Variants in PPM1H observed in about 807,000 individuals in gnomAD.
PPM1H encodes the protein protein phosphatase, Mg2+/Mn2+ dependent 1H.
PPM1H carries 27 observed loss-of-function variants against 54.9 expected under a neutral mutation model. The observed-to-expected ratio is 0.49, with a 90% CI of 0.36 to 0.68. The LOEUF is 0.68. Ranked by LOEUF, PPM1H falls within the 30% of genes least tolerant of loss-of-function variation. PPM1H has a pLI of 0.00. For synonymous variants in PPM1H, 305 were observed against 270.8 expected (o/e 1.13, Z -1.24); for missense variants, 596 against 667.8 (o/e 0.89, Z 1.19).
intron 1 of PPM1H, among the ~76,000 whole-genome samples, chr12:62,861,009 T>A (rs184389841): frequency 6.6e-6 from 1 of 152,198 alleles, no homozygotes; most frequent in Non-Finnish European, 1.5e-5. Flanking sequence ...ACCTCCCTTC[T>A]TCTAGATAAG....
chr12:62,771,594 T>C (rs2076580457), intron 4 of PPM1H, among the ~76,000 whole-genome samples: 2 of 152,320 alleles, frequency 1.3e-5, no homozygotes, highest in East Asian at 1.9e-4. Flanking sequence ...TATTTCACCT[T>C]GCATCATGTA....
chr12:62,819,130 C>CTTTT (rs34661742), intron 2 of PPM1H, among the ~76,000 whole-genome samples: 4 of 113,838 alleles, frequency 3.5e-5, no homozygotes, highest in Non-Finnish European at 5.4e-5. Context: ...CAAAACATTG[C>CTTTT]TTTTTTTTTT....
chr12:62,725,784 T>G (rs1028820694), intron 5 of PPM1H, among the ~76,000 whole-genome samples: 1 of 152,176 alleles, frequency 6.6e-6, no homozygotes, highest in African/African-American at 2.4e-5. Flanking sequence ...TGACATGTCA[T>G]GCCTGTCCCC....
At chr12:62,725,338 C>T (rs1322961164) in intron 5 of PPM1H, among the ~76,000 whole-genome samples, 1 of 152,206 alleles carries the variant, frequency 6.6e-6, no homozygotes, top group Non-Finnish European at 1.5e-5. Context: ...GAAAGTCTCT[C>T]AACTTCCCCT....
At chr12:62,845,577 CT>C (rs1490619574) in intron 1 of PPM1H, among the ~76,000 whole-genome samples, 1 of 152,148 alleles carries the variant, frequency 6.6e-6, no homozygotes, top group Non-Finnish European at 1.5e-5. Flanking sequence ...CCAACTAGAC[CT>C]TTAATACGGG....
chr12:62,905,909 C>T (rs1871289616), intron 1 of PPM1H, among the ~76,000 whole-genome samples: 1 of 152,108 alleles, frequency 6.6e-6, no homozygotes, highest in African/African-American at 2.4e-5. Flanking sequence ...GAGGACAGGA[C>T]AATGGACTAT....
rs550903169 is a variant in PPM1H at position 62,795,711 on chromosome 12, C to T, written c.756+6105G>A. On this transcript the variant is annotated intron_variant, in intron 3 of 9. Transcript: ENST00000228705. ...CCTCCCAAAGTGCTGGGATTACAGG[C>T]GTGAGCCACCACGCCCAGCCTTGTT... Among the ~76,000 whole-genome samples, 10 of 151,478 alleles carry T rather than the reference C, an allele frequency of 6.6e-5. No individual in the cohort carries two copies. In the East Asian group the frequency reaches 1.8e-3, roughly 27 times the overall value.
intron 1 of PPM1H, among the ~76,000 whole-genome samples, chr12:62,905,112 C>T (rs1436359559): frequency 1.3e-5 from 2 of 152,180 alleles, no homozygotes; most frequent in South Asian, 4.1e-4. Flanking sequence ...ACAAAGATAA[C>T]AGTACCCATC....
intron 4 of PPM1H, among the ~76,000 whole-genome samples, chr12:62,779,329 G>C (rs2076628794): frequency 6.6e-6 from 1 of 152,192 alleles, no homozygotes; most frequent in Non-Finnish European, 1.5e-5. Context: ...TTACAGGCGT[G>C]AGCCACTGCA....
At chr12:62,718,444 A>G (rs897108367) in intron 6 of PPM1H, among the ~76,000 whole-genome samples, 41 of 152,136 alleles carry the variant, frequency 2.7e-4, no homozygotes, top group African/African-American at 9.9e-4. Context: ...CTCCAAAAAC[A>G]TCACTTTCAT....
At chr12:62,649,518 A>C (rs943046813) in intron 9 of PPM1H, among the ~76,000 whole-genome samples, 12 of 152,228 alleles carry the variant, frequency 7.9e-5, no homozygotes, top group Non-Finnish European at 1.5e-4. Context: ...TGTCTATCCA[A>C]ACACTGACCA....
intron 2 of PPM1H, among the ~76,000 whole-genome samples, chr12:62,828,961 G>C (rs565209082): frequency 3.1e-4 from 47 of 152,034 alleles, no homozygotes; most frequent in Non-Finnish European, 1.3e-4. Flanking sequence ...GCAAGTGCTG[G>C]TGAAGACGTG....
At chr12:62,822,262 C>T (rs1315741679) in intron 2 of PPM1H, among the ~76,000 whole-genome samples, 2 of 152,140 alleles carry the variant, frequency 1.3e-5, no homozygotes, top group Non-Finnish European at 2.9e-5. Context: ...AAAGCAAGTC[C>T]TTAGGGACCT....
chr12:62,833,156 A>G (rs1003278786), intron 1 of PPM1H, among the ~76,000 whole-genome samples: 12 of 152,172 alleles, frequency 7.9e-5, no homozygotes, highest in Non-Finnish European at 1.8e-4. Context: ...TTTCCTTTCT[A>G]AAGCTTCAAC....
chr12:62,689,678 A>C (rs372613450), intron 8 of PPM1H, 21 bp downstream of exon 8: 2 of 1,591,518 alleles, frequency 1.3e-6, no homozygotes. Flanking sequence ...ACAAAATATA[A>C]ACAAAAACCT....
intron 5 of PPM1H, chr12:62,720,544 CA>C: frequency 2.3e-6 from 1 of 428,914 alleles, no homozygotes; most frequent in Non-Finnish European, 4.2e-6. Context: ...CTGAAGGGAT[CA>C]GGAAAAAAGA....
rs1592577497 is a variant in PPM1H, at chr12:62,747,413, G to A, written c.870-9827C>T. On this transcript the variant is annotated intron_variant, in intron 4 of 9. Transcript: ENST00000228705. ...GGCCTCCCAAAGTGCTGGGATTATAGGCGTGAGCCACTGTGCCTGGCAATT... is the reference window on the plus strand; with the variant it reads ...GGCCTCCCAAAGTGCTGGGATTATAAGCGTGAGCCACTGTGCCTGGCAATT... Among the ~76,000 whole-genome samples the A allele has an allele frequency of 2.6e-5, 4 of 152,326 alleles. No individual in the cohort carries two copies. The East Asian group carries it at 7.7e-4, about 29-fold the overall frequency.
rs572665288 is a variant in PPM1H, at chr12:62,694,454, C to T, written c.1074-455G>A. On this transcript the variant is annotated intron_variant, in intron 6 of 9. Transcript: ENST00000228705. ...TGGGATGGCTAGGGAAGAAATCTTT[C>T]GAGCCTGTTTGTCCTCTATATAATA... Among the ~76,000 whole-genome samples, 253 of 152,286 alleles carry T rather than the reference C, an allele frequency of 1.7e-3. 3 individuals are homozygous for T. Among genetic ancestry groups the T allele is most frequent in the African/African-American group, 5.7e-3 (238 of 41,566 alleles).
chr12:62,761,993 G>A (rs1014776486), intron 4 of PPM1H, among the ~76,000 whole-genome samples: 3 of 152,190 alleles, frequency 2.0e-5, no homozygotes, highest in Non-Finnish European at 4.4e-5. Flanking sequence ...CCAGGCAGAG[G>A]GTCTCCCAGC....
Sources: gnomAD v4.1 joint callset for allele counts (sites outside exome capture counted in the v4.1 genomes callset) on GRCh38, gnomAD v4.1.1 for gene constraint, MANE v1.5 for transcripts, NCBI Gene and HGNC (gene_info 2026-07-23, HGNC 2026-07-21) for gene names.